RBM6: variants seen among roughly 807,000 people sequenced by gnomAD.
RBM6 encodes the protein RNA binding motif protein 6.
Under a neutral mutation model 140.4 loss-of-function variants are expected in RBM6, and 23 were observed. That is an observed-to-expected ratio of 0.16 (90% CI 0.12 to 0.23). The LOEUF is 0.23. RBM6 is among the 10% of genes least tolerant of loss of function. The pLI is 1.00. For synonymous variants in RBM6, 439 were observed against 475.6 expected, an observed-to-expected ratio of 0.92 and a Z score of 1.00; for missense variants, 1,139 against 1,386.7, an observed-to-expected ratio of 0.82 and a Z score of 2.84.
At chr3:49,951,017 T>G (rs2083705819) in intron 1 of RBM6, among the ~76,000 whole-genome samples, 1 of 152,140 alleles carries the variant, frequency 6.6e-6, no homozygotes, top group African/African-American at 2.4e-5. Flanking sequence ...TATTCAGTGT[T>G]AGGAAGGAAG....
At chr3:50,043,851 G>A (rs2089069027) in intron 6 of RBM6, among the ~76,000 whole-genome samples, 1 of 150,974 alleles carries the variant, frequency 6.6e-6, no homozygotes, top group East Asian at 2.0e-4. Context: ...CAAAGTGCTG[G>A]GATTACAGGC....
intron 6 of RBM6, among the ~76,000 whole-genome samples, chr3:50,008,727 T>C (rs1034235117): frequency 7.9e-5 from 12 of 151,966 alleles, no homozygotes; most frequent in African/African-American, 2.9e-4. Flanking sequence ...CTAATGTTTA[T>C]TTTAGTAGAG....
rs140264854 is a variant in RBM6, at chr3:50,062,421, T to C, written c.2586+313T>C. Among the ~76,000 whole-genome samples the C allele has an allele frequency of 5.6e-3, 851 of 152,042 alleles. 11 individuals are homozygous for C. Among genetic ancestry groups the C allele is most frequent in the African/African-American group, 0.019 (778 of 41,460 alleles). On this transcript the variant is annotated intron_variant, in intron 15 of 20. Coordinates refer to ENST00000266022, the MANE Select transcript of RBM6 (RefSeq NM_005777.3). ...CAGGAGGCTGAGGCAGGAGAATTGC[T>C]TGAACCCTGGAGGCAGAGGTTGCAG...
At chr3:50,003,311 A>ATT (rs2086428283) in intron 6 of RBM6, among the ~76,000 whole-genome samples, 1 of 6,250 alleles carries the variant, frequency 1.6e-4, no homozygotes, top group Non-Finnish European at 2.7e-4. Context: ...CTAAATTTAA[A>ATT]AAAAAAAAAA....
intron 7 of RBM6, among the ~76,000 whole-genome samples, chr3:50,050,200 C>T (rs566369626): frequency 2.3e-4 from 35 of 152,156 alleles, no homozygotes; most frequent in African/African-American, 8.2e-4. Context: ...AAGGAAACCT[C>T]TTATCATTAA....
At chr3:50,044,076 T>G (rs1035042713) in intron 6 of RBM6, among the ~76,000 whole-genome samples, 18 of 150,654 alleles carry the variant, frequency 1.2e-4, no homozygotes, top group Admixed American at 3.3e-4. Context: ...AGACAGGGTT[T>G]CACTGTGTTG....
rs548606944 is a variant in RBM6 at position 50,071,957 on chromosome 3, G to A, written c.3116+1405G>A. 9.2e-5 allele frequency among the ~76,000 whole-genome samples: 14 copies of A among 151,630 alleles called. No individual in the cohort carries two copies. In the Middle Eastern group the frequency reaches 0.017, roughly 185 times the overall value. On this transcript the variant is annotated intron_variant, in intron 19 of 20. Transcript: ENST00000266022. ...CAATTAGCTGGGCGCTGTGGCAGGC[G>A]CCTGTAATCCCAGCTACTCAGGAGG... is the stretch of plus-strand genomic sequence containing the variant.
chr3:50,047,036 A>G, intron 6 of RBM6: 1 of 329,112 alleles, frequency 3.0e-6, no homozygotes, highest in Non-Finnish European at 4.3e-6. Flanking sequence ...CTTGAGAACA[A>G]GCCAGGGAAT....
At chr3:49,954,275 T>TA (rs917419248) in intron 1 of RBM6, among the ~76,000 whole-genome samples, 2 of 151,346 alleles carry the variant, frequency 1.3e-5, no homozygotes, top group African/African-American at 4.9e-5. Flanking sequence ...CCGTCTCCAC[T>TA]AAAAAAATAC....
At chr3:49,966,674 T>C (rs566077544) in intron 2 of RBM6, among the ~76,000 whole-genome samples, 5 of 152,320 alleles carry the variant, frequency 3.3e-5, no homozygotes, top group African/African-American at 4.8e-5. Context: ...GACCTAATGC[T>C]CTCTCTAGGT....
rs762116825 is a variant in RBM6 at position 49,972,076 on chromosome 3, C to T, written c.1341C>T (p.Thr447=). The change falls in exon 4 of 21, where the codon ACC becomes ACT. Residue 447 remains threonine (T), a synonymous_variant. Coordinates refer to ENST00000266022, the MANE Select transcript of RBM6 (RefSeq NM_005777.3). ...QRDLQDQDYR[T]GPSEEKPSRL... Reference sequence around the variant, plus strand: ...AATTTAAGGATCAAGATTATAGGACCGGCCCAAGTGAGGAGAAACCCAGCA... The same window carrying T: ...AATTTAAGGATCAAGATTATAGGACTGGCCCAAGTGAGGAGAAACCCAGCA... 1.9e-5 allele frequency: 31 copies of T among 1,610,898 alleles called. No homozygotes were observed. Among genetic ancestry groups the T allele is most frequent in the Admixed American group, 1.7e-4 (10 of 59,832 alleles).
At chr3:49,981,620 A>G (rs1240513368) in intron 5 of RBM6, 3 of 152,190 alleles carry the variant, frequency 2.0e-5, no homozygotes, top group African/African-American at 2.4e-5. Context: ...CCTACCTAAT[A>G]TCAGTTCTCC....
chr3:50,022,328 CTTCT>C (rs1302552622), intron 6 of RBM6, among the ~76,000 whole-genome samples: 3 of 150,264 alleles, frequency 2.0e-5, no homozygotes, highest in Non-Finnish European at 3.0e-5. Context: ...TTTAGTTTTT[CTTCT>C]TTCTTTTTTT....
At chr3:50,065,486 A>T in intron 16 of RBM6, 1 of 447,764 alleles carries the variant, frequency 2.2e-6, no homozygotes, top group Admixed American at 2.6e-5. Context: ...ATCACACAAG[A>T]ATCTCTTAGA....
intron 5 of RBM6, among the ~76,000 whole-genome samples, chr3:49,992,063 C>T (rs762455390): frequency 2.0e-5 from 3 of 151,964 alleles, no homozygotes; most frequent in South Asian, 2.1e-4. Context: ...GCAATCCTTC[C>T]GTTTCAGCCT....
chr3:50,072,593 A>G (rs891245079), intron 19 of RBM6, among the ~76,000 whole-genome samples: 1 of 152,150 alleles, frequency 6.6e-6, no homozygotes, highest in Non-Finnish European at 1.5e-5. Flanking sequence ...TCATGGCCCA[A>G]TAATAAAGTG....
At chr3:50,040,429 G>C (rs2088815918) in intron 6 of RBM6, among the ~76,000 whole-genome samples, 1 of 123,614 alleles carries the variant, frequency 8.1e-6, no homozygotes, top group Non-Finnish European at 1.6e-5. Context: ...CTGGGTGACA[G>C]AGCAAGGCTC....
Position 50,065,033 on chromosome 3 carries a change from T to C in RBM6, c.2589T>C (p.Phe863=). 1 of 1,611,794 alleles carries C rather than the reference T, an allele frequency of 6.2e-7. No homozygotes were observed. Among genetic ancestry groups the C allele is most frequent in the East Asian group, 2.2e-5 (1 of 44,854 alleles). ...AGAGTTACCTCTGGTTTGATCAGTT[T>C]CAGGAAAATGCCAGTGAAGGGAAGG... ...KEKKDRGVTR[F]QENASEGKAP... Residue 863 remains phenylalanine (F), a splice_region_variant and synonymous_variant, in exon 16 of 21, where the codon TTT becomes TTC. Transcript: ENST00000266022.
intron 6 of RBM6, among the ~76,000 whole-genome samples, chr3:50,041,980 T>C (rs2108860394): frequency 6.6e-6 from 1 of 152,328 alleles, no homozygotes; most frequent in South Asian, 2.1e-4. Context: ...GTACTGTATG[T>C]GTTGCTAATT....
Sources: allele counts gnomAD v4.1 joint callset (sites outside exome capture counted in the v4.1 genomes callset), GRCh38; gene constraint gnomAD v4.1.1; transcripts MANE v1.5; gene names NCBI Gene and HGNC (gene_info 2026-07-23, HGNC 2026-07-21).